Variants in OR2G2 observed in about 807,000 individuals in gnomAD.
The protein encoded by OR2G2 is olfactory receptor 2G2.
For missense variants in OR2G2, 460 were observed against 389.7 expected, an observed-to-expected ratio of 1.18 and a Z score of -1.52; for synonymous variants, 176 against 152.4, an observed-to-expected ratio of 1.16 and a Z score of -1.14.
Position 247,588,659 on chromosome 1 carries a change from T to C in OR2G2, c.300T>C (p.Cys100=). ...TGAAAACTATCGCCTATGGTGGCTG[T>C]TTGGTTCACCTTTACAACTCCCATG... ...EPMKTIAYGG[C]LVHLYNSHAL... Residue 100 remains cysteine, a synonymous_variant, in exon 1 of 1, where the codon TGT becomes TGC. Transcript: ENST00000320065. 3.1e-6 allele frequency: 5 copies of C among 1,614,204 alleles called. No individual in the cohort carries two copies. The highest frequency in any genetic ancestry group is 4.2e-6 in the Non-Finnish European group (5 of 1,180,042).
chr1:247,589,163 T>C lies in OR2G2; in HGVS notation c.804T>C (p.Ser268=), dbSNP rs138403077. The part of the protein sequence containing the change: ...IIFMYLQPAK[S]RSRDQGKFVS... ...TCATGTATCTGCAGCCAGCCAAGAG[T>C]AGATCCAGGGACCAGGGCAAGTTTG... The change falls in exon 1 of 1, where the codon AGT becomes AGC. Residue 268 remains serine (S), a synonymous_variant. Coordinates refer to ENST00000320065, the MANE Select transcript of OR2G2 (RefSeq NM_001001915.1). The C allele has an allele frequency of 2.6e-5, 42 of 1,613,954 alleles. No individual in the cohort carries two copies. The African/African-American group carries it at 5.1e-4, about 19-fold the overall frequency.
Position 247,588,674 on chromosome 1 carries a change from CA to C in OR2G2, c.317del (p.Asn106ThrfsTer15). 6.2e-7 allele frequency: 1 copy of C among 1,614,200 alleles called. No homozygotes were observed. Among genetic ancestry groups the C allele is most frequent in the South Asian group, 1.1e-5 (1 of 91,082 alleles). ...ATGGTGGCTGTTTGGTTCACCTTTACAACTCCCATGCCCTGGGATCCACTGA... is the reference window on the plus strand; with the variant it reads ...ATGGTGGCTGTTTGGTTCACCTTTACACTCCCATGCCCTGGGATCCACTGA... The part of the protein sequence containing the change: ...AYGGCLVHLY[N>X]SHALGSTECV... On this transcript the variant is annotated frameshift_variant, in exon 1 of 1. Transcript: ENST00000320065. LOFTEE classifies it low-confidence loss of function (END_TRUNC).
rs761795525 is a variant in OR2G2, at chr1:247,588,828, G to A, written c.469G>A (p.Ala157Thr). The A allele has an allele frequency of 6.2e-7, 1 of 1,614,168 alleles. No individual in the cohort carries two copies. The highest frequency in any genetic ancestry group is 8.5e-7 in the Non-Finnish European group (1 of 1,180,016). ...LASMAWLSGI[A>T]TTLVQSTLTL... ...ATCTATGGCATGGCTCAGTGGAATA[G>A]CCACCACCCTGGTACAGTCCACCCT... is the stretch of plus-strand genomic sequence containing the variant. Residue 157 changes from alanine to threonine, a missense_variant, in exon 1 of 1, where the codon GCC becomes ACC. Transcript: ENST00000320065.
chr1:247,588,599 T>C lies in OR2G2; in HGVS notation c.240T>C (p.Val80=), dbSNP rs1477165027. 2 of 1,614,080 alleles carry C rather than the reference T, an allele frequency of 1.2e-6. No homozygotes were observed. Among genetic ancestry groups the C allele is most frequent in the Non-Finnish European group, 1.7e-6 (2 of 1,180,018 alleles). ...SFLYRCFTSS[V]IPQLLVNLWE... ...TGTACCGCTGCTTCACCAGCAGTGT[T>C]ATTCCCCAGCTCCTGGTAAACCTGT... Residue 80 remains valine, a synonymous_variant, in exon 1 of 1, where the codon GTT becomes GTC. Coordinates refer to ENST00000320065, the MANE Select transcript of OR2G2 (RefSeq NM_001001915.1).
At position 247,589,247 on chromosome 1, in the gene OR2G2, G is replaced by T; in HGVS notation, c.888G>T (p.Arg296Ser). The T allele has an allele frequency of 6.2e-7, 1 of 1,613,466 alleles. No individual in the cohort carries two copies. The highest frequency in any genetic ancestry group is 8.5e-7 in the Non-Finnish European group (1 of 1,179,712). ...RMLNPLIYTL[R>S]IKEVKGALKK... The stretch of plus-strand genomic sequence containing the variant: ...TTAACCCTCTTATTTATACCTTGAG[G>T]ATCAAGGAGGTGAAAGGGGCATTAA... The change falls in exon 1 of 1, where the codon AGG becomes AGT. Residue 296 changes from arginine to serine, a missense_variant. Transcript: ENST00000320065.
Position 247,588,580 on chromosome 1 carries a change from G to C in OR2G2, c.221G>C (p.Arg74Pro), listed in dbSNP as rs200433328. The C allele has an allele frequency of 6.2e-7, 1 of 1,614,010 alleles. No homozygotes were observed. The highest frequency in any genetic ancestry group is 2.2e-5 in the East Asian group (1 of 44,880). The change falls in exon 1 of 1, where the codon CGC becomes CCC. Residue 74 changes from arginine to proline, a missense_variant. By Grantham distance (103) the Arg-to-Pro change is moderately radical (BLOSUM62 -2). Transcript: ENST00000320065. Reference protein sequence around the residue: ...FFLSHLSFLYRCFTSSVIPQL... With the variant: ...FFLSHLSFLYPCFTSSVIPQL... ...CTTTCTCATCTCTCCTTCCTGTACCGCTGCTTCACCAGCAGTGTTATTCCC... is the reference window on the plus strand; with the variant it reads ...CTTTCTCATCTCTCCTTCCTGTACCCCTGCTTCACCAGCAGTGTTATTCCC...
chr1:247,588,368 G>A lies in OR2G2; in HGVS notation c.9G>A (p.Met3Ile), dbSNP rs755775989. 25 of 1,599,480 alleles carry A rather than the reference G, an allele frequency of 1.6e-5. No homozygotes were observed. The highest frequency in any genetic ancestry group is 2.0e-5 in the Non-Finnish European group (23 of 1,171,740). Residue 3 changes from methionine (M) to isoleucine (I), a missense_variant, in exon 1 of 1, where the codon ATG becomes ATA. Met to Ile is a conservative substitution (Grantham distance 10). Coordinates refer to ENST00000320065, the MANE Select transcript of OR2G2 (RefSeq NM_001001915.1). Reference protein sequence around the residue: MGMVRHTNESNLA... With the variant: MGIVRHTNESNLA... ...GGGAACACACTTTACATATGGGGAT[G>A]GTGAGACATACCAATGAGAGCAACC...
At position 247,588,465 on chromosome 1, in the gene OR2G2, A is replaced by T. The variant is rs572129066; in HGVS notation, c.106A>T (p.Ile36Phe). 1.2e-6 allele frequency: 2 copies of T among 1,613,812 alleles called. No individual in the cohort carries two copies. Among genetic ancestry groups the T allele is most frequent in the Admixed American group, 3.3e-5 (2 of 60,006 alleles). ...GAAGGTTCTATTTGTGCTCATATTG[A>T]TTCTGTATTTACTAACTATTTTGGG... The part of the protein sequence containing the change: ...LQKVLFVLIL[I>F]LYLLTILGNT... The change falls in exon 1 of 1, where the codon ATT becomes TTT. Residue 36 changes from isoleucine to phenylalanine, a missense_variant. By Grantham distance (21) the Ile-to-Phe change is conservative. Coordinates refer to ENST00000320065, the MANE Select transcript of OR2G2 (RefSeq NM_001001915.1).
chr1:247,588,387 A>AG lies in OR2G2; in HGVS notation c.29dup (p.Ser10ArgfsTer13), dbSNP rs774784097. 1.2e-4 allele frequency: 195 copies of AG among 1,610,678 alleles called. 1 individual carries two copies. The highest frequency in any genetic ancestry group is 4.0e-5 in the Non-Finnish European group (47 of 1,178,314). On this transcript the variant is annotated frameshift_variant, in exon 1 of 1. Coordinates refer to ENST00000320065, the MANE Select transcript of OR2G2 (RefSeq NM_001001915.1). LOFTEE classifies it low-confidence loss of function (END_TRUNC). ...GGGGATGGTGAGACATACCAATGAGAGCAACCTAGCAGGTTTCATCCTTTT... is the reference window on the plus strand; with the variant it reads ...GGGGATGGTGAGACATACCAATGAGAGGCAACCTAGCAGGTTTCATCCTTTT...
Position 247,588,973 on chromosome 1 carries a change from C to T in OR2G2, c.614C>T (p.Ala205Val). ...TTTAACGAGGCTGAGCTTTTTGTGGCTAGTATCCTTTTCCTTATAGTGCCT... is the reference window on the plus strand; with the variant it reads ...TTTAACGAGGCTGAGCTTTTTGTGGTTAGTATCCTTTTCCTTATAGTGCCT... ...TTFNEAELFVASILFLIVPVS... is the reference protein window; with the variant it reads ...TTFNEAELFVVSILFLIVPVS... The change falls in exon 1 of 1, where the codon GCT (alanine) becomes GTT (valine). Residue 205 changes from alanine (A) to valine (V), a missense_variant. Transcript: ENST00000320065. 6.2e-7 allele frequency: 1 copy of T among 1,614,218 alleles called. No homozygotes were observed. The highest frequency in any genetic ancestry group is 1.3e-5 in the African/African-American group (1 of 75,058).
At position 247,588,663 on chromosome 1, in the gene OR2G2, G is replaced by GTTCACCTT; in HGVS notation, c.306_313dup (p.Tyr105PhefsTer19). On this transcript the variant is annotated frameshift_variant, in exon 1 of 1. Coordinates refer to ENST00000320065, the MANE Select transcript of OR2G2 (RefSeq NM_001001915.1). LOFTEE classifies it low-confidence loss of function (END_TRUNC). ...AACTATCGCCTATGGTGGCTGTTTGGTTCACCTTTACAACTCCCATGCCCT... is the reference window on the plus strand; with the variant it reads ...AACTATCGCCTATGGTGGCTGTTTGGTTCACCTTTTCACCTTTACAACTCCCATGCCCT... 6.2e-7 allele frequency: 1 copy of GTTCACCTT among 1,614,160 alleles called. No homozygotes were observed. The highest frequency in any genetic ancestry group is 8.5e-7 in the Non-Finnish European group (1 of 1,180,026).
Position 247,588,639 on chromosome 1 carries a change from A to G in OR2G2, c.280A>G (p.Thr94Ala). ...GGTAAACCTGTGGGAACCCATGAAA[A>G]CTATCGCCTATGGTGGCTGTTTGGT... ...LLVNLWEPMK[T>A]IAYGGCLVHL... Residue 94 changes from threonine (T) to alanine (A), a missense_variant, in exon 1 of 1, where the codon ACT becomes GCT. By Grantham distance (58) the Thr-to-Ala change is moderately conservative (BLOSUM62 0). Coordinates refer to ENST00000320065, the MANE Select transcript of OR2G2 (RefSeq NM_001001915.1). The G allele has an allele frequency of 6.2e-7, 1 of 1,614,012 alleles. No homozygotes were observed. Among genetic ancestry groups the G allele is most frequent in the Non-Finnish European group, 8.5e-7 (1 of 1,180,000 alleles).
chr1:247,588,428 T>A lies in OR2G2; in HGVS notation c.69T>A (p.Tyr23Ter). 1 of 1,614,104 alleles carries A rather than the reference T, an allele frequency of 6.2e-7. No individual in the cohort carries two copies. Among genetic ancestry groups the A allele is most frequent in the Non-Finnish European group, 8.5e-7 (1 of 1,179,962 alleles). The change falls in exon 1 of 1, where the codon TAT becomes TAA. Residue 23 changes from tyrosine (Y) to a stop codon, truncating the protein, a stop_gained. Coordinates refer to ENST00000320065, the MANE Select transcript of OR2G2 (RefSeq NM_001001915.1). LOFTEE classifies it low-confidence loss of function (END_TRUNC). Reference sequence around the variant, plus strand: ...TCATCCTTTTAGGGTTTTCTGATTATCCTCAGTTACAGAAGGTTCTATTTG... The same window carrying A: ...TCATCCTTTTAGGGTTTTCTGATTAACCTCAGTTACAGAAGGTTCTATTTG... ...AGFILLGFSD[Y>*]PQLQKVLFVL...
Position 247,588,982 on chromosome 1 carries a change from T to C in OR2G2, c.623T>C (p.Leu208Pro). The change falls in exon 1 of 1, where the codon CTT becomes CCT. Residue 208 changes from leucine (L) to proline (P), a missense_variant. By Grantham distance (98) the Leu-to-Pro change is moderately conservative (BLOSUM62 -3). Coordinates refer to ENST00000320065, the MANE Select transcript of OR2G2 (RefSeq NM_001001915.1). ...NEAELFVASI[L>P]FLIVPVSFIL... ...GCTGAGCTTTTTGTGGCTAGTATCC[T>C]TTTCCTTATAGTGCCTGTCTCATTC... is the stretch of plus-strand genomic sequence containing the variant. The C allele has an allele frequency of 6.2e-7, 1 of 1,614,236 alleles. No homozygotes were observed. The highest frequency in any genetic ancestry group is 8.5e-7 in the Non-Finnish European group (1 of 1,180,034).
At position 247,588,430 on chromosome 1, in the gene OR2G2, C is replaced by G. The variant is rs759345162; in HGVS notation, c.71C>G (p.Pro24Arg). The G allele has an allele frequency of 6.2e-7, 1 of 1,613,988 alleles. No individual in the cohort carries two copies. Among genetic ancestry groups the G allele is most frequent in the Non-Finnish European group, 8.5e-7 (1 of 1,179,902 alleles). ...ATCCTTTTAGGGTTTTCTGATTATC[C>G]TCAGTTACAGAAGGTTCTATTTGTG... Reference protein sequence around the residue: ...GFILLGFSDYPQLQKVLFVLI... With the variant: ...GFILLGFSDYRQLQKVLFVLI... Residue 24 changes from proline to arginine, a missense_variant, in exon 1 of 1, where the codon CCT (proline) becomes CGT (arginine). Transcript: ENST00000320065.
Position 247,588,457 on chromosome 1 carries a change from TC to T in OR2G2, c.99del (p.Ile34TyrfsTer2). 1 of 1,613,904 alleles carries T rather than the reference TC, an allele frequency of 6.2e-7. No individual in the cohort carries two copies. Among genetic ancestry groups the T allele is most frequent in the Non-Finnish European group, 8.5e-7 (1 of 1,179,748 alleles). ...CAGTTACAGAAGGTTCTATTTGTGC[TC>T]ATATTGATTCTGTATTTACTAACTA... ...YPQLQKVLFV[L>X]ILILYLLTIL... On this transcript the variant is annotated frameshift_variant, in exon 1 of 1. Coordinates refer to ENST00000320065, the MANE Select transcript of OR2G2 (RefSeq NM_001001915.1). LOFTEE classifies it low-confidence loss of function (END_TRUNC).
In OR2G2 at chr1:247,589,060, C is replaced by T. The variant is rs773839582; in HGVS notation, c.701C>T (p.Ala234Val). Residue 234 changes from alanine (A) to valine (V), a missense_variant, in exon 1 of 1, where the codon GCT becomes GTT. Transcript: ENST00000320065. ...CACGCAGTGTTGAGGATTAAGTCAG[C>T]TACCAGGAGACAGAAAGCATTCGGG... ...IAHAVLRIKSATRRQKAFGTC... is the reference protein window; with the variant it reads ...IAHAVLRIKSVTRRQKAFGTC... 6.2e-7 allele frequency: 1 copy of T among 1,614,210 alleles called. No individual in the cohort carries two copies. Among genetic ancestry groups the T allele is most frequent in the Non-Finnish European group, 8.5e-7 (1 of 1,180,012 alleles).
rs949061557 is a variant in OR2G2 at position 247,588,417 on chromosome 1, T to C, written c.58T>C (p.Phe20Leu). ...CCTAGCAGGTTTCATCCTTTTAGGG[T>C]TTTCTGATTATCCTCAGTTACAGAA... ...SNLAGFILLGFSDYPQLQKVL... is the reference protein window; with the variant it reads ...SNLAGFILLGLSDYPQLQKVL... Residue 20 changes from phenylalanine to leucine, a missense_variant, in exon 1 of 1, where the codon TTT becomes CTT. Coordinates refer to ENST00000320065, the MANE Select transcript of OR2G2 (RefSeq NM_001001915.1). 6.2e-7 allele frequency: 1 copy of C among 1,613,696 alleles called. No individual in the cohort carries two copies. Among genetic ancestry groups the C allele is most frequent in the Non-Finnish European group, 8.5e-7 (1 of 1,179,904 alleles).
At position 247,589,129 on chromosome 1, in the gene OR2G2, C is replaced by G; in HGVS notation, c.770C>G (p.Thr257Ser). The change falls in exon 1 of 1, where the codon ACC (threonine) becomes AGC (serine). Residue 257 changes from threonine (T) to serine (S), a missense_variant. Coordinates refer to ENST00000320065, the MANE Select transcript of OR2G2 (RefSeq NM_001001915.1). ...HLTVVTIFYG[T>S]IIFMYLQPAK... Reference sequence around the variant, plus strand: ...ACAGTGGTCACCATCTTTTATGGAACCATCATCTTCATGTATCTGCAGCCA... The same window carrying G: ...ACAGTGGTCACCATCTTTTATGGAAGCATCATCTTCATGTATCTGCAGCCA... 1 of 1,614,148 alleles carries G rather than the reference C, an allele frequency of 6.2e-7. No individual in the cohort carries two copies.
Sources: allele counts gnomAD v4.1 joint callset, GRCh38; gene constraint gnomAD v4.1.1; transcripts MANE v1.5; gene names NCBI Gene and HGNC (gene_info 2026-07-23, HGNC 2026-07-21).